Variants in FRMD4A observed in about 807,000 individuals in gnomAD.
FRMD4A encodes FERM domain containing 4A.
FRMD4A carries 29 observed loss-of-function variants against 129.1 expected under a neutral mutation model. That is an observed-to-expected ratio of 0.22 (90% CI 0.17 to 0.31). FRMD4A has a LOEUF of 0.31. Among genes scored for constraint, FRMD4A ranks in the 10% least tolerant of loss-of-function variants. The pLI is 1.00. For missense variants in FRMD4A, 1,272 were observed against 1,375.8 expected (o/e 0.92, Z 1.19); for synonymous variants, 634 against 571.6 (o/e 1.11, Z -1.56).
At chr10:13,765,272 G>T (rs796664777) in intron 6 of FRMD4A, among the ~76,000 whole-genome samples, 1 of 151,558 alleles carries the variant, frequency 6.6e-6, no homozygotes, top group Non-Finnish European at 1.5e-5. Flanking sequence ...CCACCACCAC[G>T]CCTGGCTAAT....
chr10:14,270,595 T>C (rs2132045954), intron 2 of FRMD4A, among the ~76,000 whole-genome samples: 1 of 152,318 alleles, frequency 6.6e-6, no homozygotes, highest in East Asian at 1.9e-4. Context: ...ATTATTGCTA[T>C]TAATCATTTA....
intron 2 of FRMD4A, among the ~76,000 whole-genome samples, chr10:14,281,272 G>A (rs552962485): frequency 1.5e-4 from 23 of 152,276 alleles, no homozygotes; most frequent in African/African-American, 5.1e-4. Flanking sequence ...GATTACAGAC[G>A]TGAGCCACCA....
At chr10:13,882,917 C>T (rs2094564136) in intron 2 of FRMD4A, among the ~76,000 whole-genome samples, 1 of 151,970 alleles carries the variant, frequency 6.6e-6, no homozygotes, top group Admixed American at 6.6e-5. Flanking sequence ...AATCCTCCCA[C>T]CTCAGTCTCC....
At chr10:13,803,228 G>A (rs529575161) in intron 4 of FRMD4A, among the ~76,000 whole-genome samples, 1 of 152,032 alleles carries the variant, frequency 6.6e-6, no homozygotes, top group Admixed American at 6.5e-5. Flanking sequence ...TTAAAGTAGG[G>A]TATATACTGG....
intron 6 of FRMD4A, among the ~76,000 whole-genome samples, chr10:13,764,760 G>A (rs754256461): frequency 1.3e-5 from 2 of 152,032 alleles, no homozygotes; most frequent in Non-Finnish European, 2.9e-5. Flanking sequence ...TCTTTCCCTA[G>A]TATCACAAGA....
chr10:13,763,547 C>T (rs117052719), intron 6 of FRMD4A, among the ~76,000 whole-genome samples: 5,402 of 152,270 alleles, frequency 0.035, 131 homozygotes, highest in Non-Finnish European at 0.056. Context: ...AACTGTTACA[C>T]AGTGTAAGTT....
intron 2 of FRMD4A, among the ~76,000 whole-genome samples, chr10:13,885,272 T>C (rs1004284259): frequency 2.6e-5 from 4 of 152,164 alleles, no homozygotes; most frequent in Non-Finnish European, 4.4e-5. Context: ...TCACAGATAT[T>C]AACTAATTTG....
intron 2 of FRMD4A, among the ~76,000 whole-genome samples, chr10:14,224,401 C>T (rs1442261131): frequency 6.6e-6 from 1 of 152,200 alleles, no homozygotes; most frequent in African/African-American, 2.4e-5. Context: ...CAAAGGAGGG[C>T]CCTGTGAGAG....
chr10:13,971,063 C>T (rs1281528437), intron 2 of FRMD4A, among the ~76,000 whole-genome samples: 2 of 152,174 alleles, frequency 1.3e-5, no homozygotes, highest in African/African-American at 4.8e-5. Context: ...GTCACCACCC[C>T]CAACACACAG....
chr10:14,090,994 T>C (rs978734152), intron 2 of FRMD4A, among the ~76,000 whole-genome samples: 2 of 152,036 alleles, frequency 1.3e-5, no homozygotes, highest in Non-Finnish European at 2.9e-5. Context: ...TTTGACTGCC[T>C]TGTGAAATAT....
rs989090032 is a variant in FRMD4A, at chr10:14,284,984, G to A, written c.45+45074C>T. On this transcript the variant is annotated intron_variant, in intron 2 of 24. Coordinates refer to ENST00000357447, the MANE Select transcript of FRMD4A (RefSeq NM_018027.5). ...ATCCTAGGATATATTTGATACCCAG[G>A]TCCAACACAGAGCCTGATACGAAGA... 9.2e-5 allele frequency among the ~76,000 whole-genome samples: 14 copies of A among 152,244 alleles called. No individual in the cohort carries two copies. The East Asian group carries it at 2.7e-3, about 29-fold the overall frequency.
intron 12 of FRMD4A, among the ~76,000 whole-genome samples, chr10:13,725,733 A>T (rs1156522040): frequency 2.0e-5 from 3 of 152,174 alleles, no homozygotes; most frequent in Non-Finnish European, 4.4e-5. Flanking sequence ...AGTGACCAAC[A>T]AAAAAATAAC....
At chr10:14,271,659 T>A (rs1239307937) in intron 2 of FRMD4A, among the ~76,000 whole-genome samples, 2 of 152,224 alleles carry the variant, frequency 1.3e-5, no homozygotes, top group African/African-American at 4.8e-5. Context: ...ATTGCCTTCT[T>A]CTTTGTTCAT....
chr10:14,174,924 C>A (rs538377555), intron 2 of FRMD4A, among the ~76,000 whole-genome samples: 1 of 139,442 alleles, frequency 7.2e-6, no homozygotes, highest in South Asian at 2.2e-4. Flanking sequence ...TGTGTGGACG[C>A]GCGCGTACGG....
intron 2 of FRMD4A, among the ~76,000 whole-genome samples, chr10:14,032,515 G>C (rs1409613861): frequency 6.6e-6 from 1 of 152,210 alleles, no homozygotes; most frequent in Non-Finnish European, 1.5e-5. Context: ...ACTTGGGAGA[G>C]TCTGTAAACG....
intron 2 of FRMD4A, among the ~76,000 whole-genome samples, chr10:13,911,973 C>T (rs113044584): frequency 0.02 from 3,013 of 152,256 alleles, 110 homozygotes; most frequent in African/African-American, 0.069. Context: ...TACTGAAGCA[C>T]CCAAACAGAG....
At chr10:13,741,909 T>C (rs1248956005) in intron 9 of FRMD4A, among the ~76,000 whole-genome samples, 1 of 152,214 alleles carries the variant, frequency 6.6e-6, no homozygotes, top group Non-Finnish European at 1.5e-5. Context: ...CAGGCTGGAG[T>C]GCTGTGGAGC....
chr10:14,323,752 C>A (rs1375036591), intron 2 of FRMD4A, among the ~76,000 whole-genome samples: 1 of 152,178 alleles, frequency 6.6e-6, no homozygotes, highest in Admixed American at 6.5e-5. Context: ...CATTAGCCAG[C>A]CTGATTAGTC....
At chr10:13,926,358 C>T (rs2095133795) in intron 2 of FRMD4A, among the ~76,000 whole-genome samples, 1 of 152,092 alleles carries the variant, frequency 6.6e-6, no homozygotes, top group African/African-American at 2.4e-5. Flanking sequence ...CCCCTTAAGG[C>T]CTGGGAGAAG....
Sources: gnomAD v4.1 joint callset for allele counts (sites outside exome capture counted in the v4.1 genomes callset) on GRCh38, gnomAD v4.1.1 for gene constraint, MANE v1.5 for transcripts, NCBI Gene and HGNC (gene_info 2026-07-23, HGNC 2026-07-21) for gene names.